LRRC4C: variants seen among roughly 807,000 people sequenced by gnomAD.
LRRC4C encodes the protein leucine rich repeat containing 4C.
LRRC4C carries 5 observed loss-of-function variants against 33.6 expected under a neutral mutation model. The observed-to-expected ratio is 0.15, with a 90% confidence interval of 0.08 to 0.31. The LOEUF (loss-of-function observed/expected upper bound fraction) is 0.31, where lower values mean the gene tolerates loss of function less well. LRRC4C is among the 10% of genes least tolerant of loss of function. LRRC4C has a pLI of 1.00. For missense variants in LRRC4C, 560 were observed against 796.7 expected (o/e 0.70, Z 3.58); for synonymous variants, 329 against 302.0 (o/e 1.09, Z -0.93).
At position 40,395,869 on chromosome 11, in the gene LRRC4C, C is replaced by G. The variant is rs940169406; in HGVS notation, c.-269-76148G>C. On this transcript the variant is annotated intron_variant, in intron 3 of 6. Transcript: ENST00000528697. Reference sequence around the variant, plus strand: ...GGGTGTGGTCACATGCACCTGTAATCTCACTTACTCAAGAAGCTGAGACAT... The same window carrying G: ...GGGTGTGGTCACATGCACCTGTAATGTCACTTACTCAAGAAGCTGAGACAT... 2.0e-5 allele frequency among the ~76,000 whole-genome samples: 3 copies of G among 152,224 alleles called. 1 individual carries two copies. Among genetic ancestry groups the G allele is most frequent in the Middle Eastern group, 6.8e-3 (2 of 294 alleles).
At chr11:41,040,293 C>A (rs773055376) in intron 1 of LRRC4C, among the ~76,000 whole-genome samples, 1 of 151,402 alleles carries the variant, frequency 6.6e-6, no homozygotes, top group African/African-American at 2.4e-5. Flanking sequence ...AATGGTTCTG[C>A]CAAATTTTCA....
intron 1 of LRRC4C, among the ~76,000 whole-genome samples, chr11:41,100,616 G>A (rs1941113817): frequency 2.0e-5 from 3 of 151,852 alleles, no homozygotes; most frequent in South Asian, 2.1e-4. Context: ...TAGCCATACA[G>A]CCCAAAGCAA....
chr11:40,226,921 C>T (rs965509616), intron 5 of LRRC4C, among the ~76,000 whole-genome samples: 6 of 152,196 alleles, frequency 3.9e-5, no homozygotes, highest in African/African-American at 1.4e-4. Flanking sequence ...TCTGATTTTA[C>T]AAAGAGTCTT....
intron 3 of LRRC4C, among the ~76,000 whole-genome samples, chr11:40,542,052 C>CTTTCTTTCTT (rs112421824): frequency 2.1e-4 from 31 of 149,376 alleles, no homozygotes; most frequent in Non-Finnish European, 3.0e-4. Flanking sequence ...TTCTCTTTCT[C>CTTTCTTTCTT]TCTTTCTTTC....
intron 3 of LRRC4C, among the ~76,000 whole-genome samples, chr11:40,498,592 T>C (rs1419253613): frequency 2.0e-5 from 3 of 152,212 alleles, no homozygotes; most frequent in African/African-American, 7.2e-5. Context: ...AAAATTAGTA[T>C]ATTTGGCTCT....
chr11:41,396,078 G>T (rs540050962), intron 1 of LRRC4C, among the ~76,000 whole-genome samples: 1 of 152,052 alleles, frequency 6.6e-6, no homozygotes, highest in East Asian at 1.9e-4. Flanking sequence ...TATTGTTAGT[G>T]TATTTTAAGA....
At chr11:40,336,850 G>A (rs1037432645) in intron 3 of LRRC4C, among the ~76,000 whole-genome samples, 2 of 151,470 alleles carry the variant, frequency 1.3e-5, no homozygotes, top group Admixed American at 6.6e-5. Context: ...GGCGGGGGGC[G>A]CCTGTAGTCC....
At chr11:40,473,005 C>T (rs1193584866) in intron 3 of LRRC4C, among the ~76,000 whole-genome samples, 3 of 152,198 alleles carry the variant, frequency 2.0e-5, no homozygotes, top group Non-Finnish European at 2.9e-5. Flanking sequence ...GACAGACTCA[C>T]AGCTGAATTC....
intron 2 of LRRC4C, among the ~76,000 whole-genome samples, chr11:40,921,983 AG>A (rs1957202211): frequency 6.6e-6 from 1 of 152,222 alleles, no homozygotes; most frequent in African/African-American, 2.4e-5. Context: ...CTGCCTTCTA[AG>A]GACAAATGGC....
chr11:40,838,823 A>G (rs1042104658), intron 2 of LRRC4C, among the ~76,000 whole-genome samples: 1 of 152,046 alleles, frequency 6.6e-6, no homozygotes, highest in African/African-American at 2.4e-5. Flanking sequence ...AAAGTTATTC[A>G]TCATGATAAG....
At chr11:40,749,781 T>A (rs1241227502) in intron 2 of LRRC4C, among the ~76,000 whole-genome samples, 1 of 151,368 alleles carries the variant, frequency 6.6e-6, no homozygotes, top group Non-Finnish European at 1.5e-5. Flanking sequence ...AAATGAAACA[T>A]CACAACTGAT....
At chr11:41,210,778 C>T (rs1369681646) in intron 1 of LRRC4C, among the ~76,000 whole-genome samples, 3 of 152,164 alleles carry the variant, frequency 2.0e-5, no homozygotes, top group African/African-American at 4.8e-5. Flanking sequence ...TTATCATTCA[C>T]ATACATTTAA....
intron 2 of LRRC4C, among the ~76,000 whole-genome samples, chr11:40,830,979 A>G (rs1345953186): frequency 6.6e-6 from 1 of 152,120 alleles, no homozygotes; most frequent in Non-Finnish European, 1.5e-5. Flanking sequence ...GGAATCAGTA[A>G]TTCCACACAA....
intron 1 of LRRC4C, among the ~76,000 whole-genome samples, chr11:41,171,240 C>A (rs1944963534): frequency 6.6e-6 from 1 of 152,082 alleles, no homozygotes; most frequent in Non-Finnish European, 1.5e-5. Flanking sequence ...TTGATCCAGC[C>A]ATCCCATTAC....
At chr11:40,978,479 G>A (rs1335973848) in intron 1 of LRRC4C, among the ~76,000 whole-genome samples, 1 of 152,112 alleles carries the variant, frequency 6.6e-6, no homozygotes, top group African/African-American at 2.4e-5. Flanking sequence ...TTTCTAGTAG[G>A]TAGAGACCAG....
At chr11:40,947,218 T>A (rs1168209148) in intron 1 of LRRC4C, among the ~76,000 whole-genome samples, 1 of 152,200 alleles carries the variant, frequency 6.6e-6, no homozygotes, top group Admixed American at 6.5e-5. Context: ...TTCTAATTAA[T>A]CTTGTTTAGA....
At chr11:41,238,709 TA>T (rs1293433858) in intron 1 of LRRC4C, among the ~76,000 whole-genome samples, 1 of 152,164 alleles carries the variant, frequency 6.6e-6, no homozygotes, top group Admixed American at 6.5e-5. Context: ...TGTAACAAAT[TA>T]AATCAACACC....
At chr11:40,792,699 G>C (rs1248643769) in intron 2 of LRRC4C, among the ~76,000 whole-genome samples, 3 of 152,088 alleles carry the variant, frequency 2.0e-5, no homozygotes, top group Non-Finnish European at 4.4e-5. Context: ...TATGTTTATT[G>C]CAGCAATATT....
chr11:40,552,919 T>A (rs1360311531), intron 3 of LRRC4C, among the ~76,000 whole-genome samples: 3 of 152,020 alleles, frequency 2.0e-5, no homozygotes, highest in Non-Finnish European at 2.9e-5. Flanking sequence ...AAAATAGAGA[T>A]CAAATATGAT....
Sources: gnomAD v4.1 joint callset for allele counts (sites outside exome capture counted in the v4.1 genomes callset) on GRCh38, gnomAD v4.1.1 for gene constraint, MANE v1.5 for transcripts, NCBI Gene and HGNC (gene_info 2026-07-23, HGNC 2026-07-21) for gene names.